Variants in MECOM observed in about 807,000 individuals in gnomAD.
MECOM encodes the protein histone-lysine N-methyltransferase MECOM.
MECOM carries 13 observed loss-of-function variants against 116.3 expected under a neutral mutation model. The ratio of observed to expected loss-of-function variants is 0.11; its 90% CI spans 0.07 to 0.18. The LOEUF (loss-of-function observed/expected upper bound fraction) is 0.18, where lower values mean the gene tolerates loss of function less well. Among genes scored for constraint, MECOM ranks in the 10% least tolerant of loss-of-function variants. The probability of loss-of-function intolerance (pLI) is 1.00; values close to 1 mark genes in which losing one functional copy is unlikely to be tolerated. For synonymous variants in MECOM, 528 were observed against 535.2 expected, an observed-to-expected ratio of 0.99 and a Z score of 0.19; for missense variants, 1,299 against 1,509.0, an observed-to-expected ratio of 0.86 and a Z score of 2.31.
At chr3:169,535,746 C>A (rs551510766) in intron 1 of MECOM, among the ~76,000 whole-genome samples, 1 of 152,350 alleles carries the variant, frequency 6.6e-6, no homozygotes, top group African/African-American at 2.4e-5. Context: ...TTATCCCCAG[C>A]TCCTAACTGA....
chr3:169,177,921 A>AC (rs1452034195), intron 2 of MECOM, among the ~76,000 whole-genome samples: 1 of 123,780 alleles, frequency 8.1e-6, no homozygotes, highest in Non-Finnish European at 1.8e-5. Flanking sequence ...CTTGGTCTCA[A>AC]AAAAAAAAAG....
At position 169,663,474 on chromosome 3, in the gene MECOM, GTCTCTCTCTC is replaced by G. The variant is rs71166260; in HGVS notation, c.-112_-103del. ...CTCTCGCTCCCTCCCTCTCTCTCCTGTCTCTCTCTCTCTCTCTCTCTCTCTCTCTCTCTCT... is the reference window on the plus strand; with the variant it reads ...CTCTCGCTCCCTCCCTCTCTCTCCTGTCTCTCTCTCTCTCTCTCTCTCTCT... On this transcript the variant is annotated 5_prime_UTR_variant, in exon 1 of 17. Transcript: ENST00000651503. 44,103 of 565,028 alleles carry G rather than the reference GTCTCTCTCTC, an allele frequency of 0.078. 800 individuals carry two copies. Among genetic ancestry groups the G allele is most frequent in the East Asian group, 0.15 (3,421 of 23,164 alleles). 35.0% of individuals were successfully genotyped at this position (565,028 alleles called of 1,614,324 possible). A position where few individuals can be genotyped will look rare whatever the true frequency, so the allele number is the denominator to read the frequency against.
At chr3:169,230,190 G>A (rs761682860) in intron 2 of MECOM, among the ~76,000 whole-genome samples, 45 of 151,908 alleles carry the variant, frequency 3.0e-4, no homozygotes, top group Non-Finnish European at 6.3e-4. Flanking sequence ...CCAGAACTTT[G>A]AGACCTCTGT....
At chr3:169,574,385 G>T (rs1362775) in intron 1 of MECOM, among the ~76,000 whole-genome samples, 146,618 of 152,212 alleles carry the variant, frequency 0.96, 70,670 homozygotes, top group East Asian at 1. Flanking sequence ...TAAGAGTGAA[G>T]GAAGCTCCCT....
chr3:169,312,038 C>T (rs1577677030), intron 2 of MECOM, among the ~76,000 whole-genome samples: 1 of 152,158 alleles, frequency 6.6e-6, no homozygotes, highest in African/African-American at 2.4e-5. Flanking sequence ...CCAGACCACG[C>T]GGGGCTTTGT....
intron 1 of MECOM, among the ~76,000 whole-genome samples, chr3:169,583,060 C>A (rs1237121048): frequency 6.6e-6 from 1 of 152,190 alleles, no homozygotes; most frequent in Non-Finnish European, 1.5e-5. Context: ...TGGAAATGAA[C>A]CAGCTCCAGT....
At chr3:169,111,314 T>A (rs1727304723) in intron 9 of MECOM, among the ~76,000 whole-genome samples, 1 of 152,166 alleles carries the variant, frequency 6.6e-6, no homozygotes, top group Non-Finnish European at 1.5e-5. Context: ...GAAAATCACT[T>A]GACTACTGTA....
At chr3:169,330,156 G>A (rs1415264069) in intron 2 of MECOM, among the ~76,000 whole-genome samples, 2 of 152,148 alleles carry the variant, frequency 1.3e-5, no homozygotes, top group Non-Finnish European at 2.9e-5. Flanking sequence ...CTCCCGAATA[G>A]CTGAGACTGC....
At chr3:169,462,304 C>T (rs1364235643) in intron 1 of MECOM, among the ~76,000 whole-genome samples, 2 of 152,160 alleles carry the variant, frequency 1.3e-5, no homozygotes, top group East Asian at 3.8e-4. Flanking sequence ...AAAGACTAAG[C>T]TGTTGATGAG....
intron 2 of MECOM, among the ~76,000 whole-genome samples, chr3:169,221,003 A>G (rs776675077): frequency 4.3e-4 from 66 of 152,340 alleles, no homozygotes; most frequent in Non-Finnish European, 8.1e-4. Context: ...AAGGCACTCT[A>G]TACAATAATG....
chr3:169,428,294 T>G (rs533363126), intron 1 of MECOM, among the ~76,000 whole-genome samples: 1 of 152,324 alleles, frequency 6.6e-6, no homozygotes, highest in East Asian at 1.9e-4. Context: ...AGACAATTTT[T>G]TCATGGACTG....
intron 2 of MECOM, among the ~76,000 whole-genome samples, chr3:169,210,699 C>T (rs929517687): frequency 1.7e-4 from 26 of 152,076 alleles, no homozygotes; most frequent in Non-Finnish European, 3.4e-4. Flanking sequence ...ACCATGTAAC[C>T]ACCGCCCTAA....
intron 1 of MECOM, among the ~76,000 whole-genome samples, chr3:169,498,733 G>A (rs1259207177): frequency 1.3e-5 from 2 of 152,238 alleles, no homozygotes; most frequent in Non-Finnish European, 2.9e-5. Context: ...AATCAGCACT[G>A]TAAAGGTAAT....
chr3:169,100,603 A>C (rs1723257440), intron 12 of MECOM, among the ~76,000 whole-genome samples: 1 of 152,124 alleles, frequency 6.6e-6, no homozygotes, highest in African/African-American at 2.4e-5. Context: ...ATAATATTTA[A>C]AATGGCTAGC....
intron 1 of MECOM, among the ~76,000 whole-genome samples, chr3:169,556,348 C>T (rs1242864652): frequency 6.6e-6 from 1 of 152,158 alleles, no homozygotes; most frequent in Non-Finnish European, 1.5e-5. Context: ...GAATACGACC[C>T]TCTGATCTAC....
At chr3:169,630,899 C>T (rs971986416) in intron 1 of MECOM, among the ~76,000 whole-genome samples, 1 of 152,232 alleles carries the variant, frequency 6.6e-6, no homozygotes, top group African/African-American at 2.4e-5. Flanking sequence ...GCTGGAATTA[C>T]AGGCGTGAGC....
At chr3:169,490,715 C>T (rs1479770735) in intron 1 of MECOM, among the ~76,000 whole-genome samples, 1 of 152,092 alleles carries the variant, frequency 6.6e-6, no homozygotes, top group East Asian at 1.9e-4. Flanking sequence ...AAATACTTTA[C>T]ACCAACTTTA....
intron 1 of MECOM, among the ~76,000 whole-genome samples, chr3:169,507,348 C>A (rs1755366830): frequency 6.6e-6 from 1 of 152,298 alleles, no homozygotes; most frequent in South Asian, 2.1e-4. Flanking sequence ...ATTTGCTAGT[C>A]CTTTTCTTTG....
chr3:169,176,541 C>T (rs1252691331), intron 2 of MECOM, among the ~76,000 whole-genome samples: 1 of 152,068 alleles, frequency 6.6e-6, no homozygotes, highest in East Asian at 1.9e-4. Context: ...CAATACCATT[C>T]AGGACACAGG....
Sources: gnomAD v4.1 joint callset for allele counts (sites outside exome capture counted in the v4.1 genomes callset) on GRCh38, gnomAD v4.1.1 for gene constraint, MANE v1.5 for transcripts, NCBI Gene and HGNC (gene_info 2026-07-23, HGNC 2026-07-21) for gene names.